FMNL2: variants seen among roughly 807,000 people sequenced by gnomAD.
FMNL2 encodes formin-like protein 2.
A neutral mutation model predicts 130.2 loss-of-function variants in FMNL2; 51 were observed. That is an observed-to-expected ratio of 0.39 (90% CI 0.31 to 0.49). The LOEUF (loss-of-function observed/expected upper bound fraction) is 0.49, where lower values mean the gene tolerates loss of function less well. Ranked by LOEUF, FMNL2 falls within the 20% of genes least tolerant of loss-of-function variation. The probability of loss-of-function intolerance (pLI) is 0.85; values close to 1 mark genes in which losing one functional copy is unlikely to be tolerated. For missense variants in FMNL2, 977 were observed against 1,316.2 expected (o/e 0.74, Z 3.99); for synonymous variants, 465 against 467.1 (o/e 1.00, Z 0.06).
chr2:152,581,541 C>T (rs572583813), intron 9 of FMNL2, among the ~76,000 whole-genome samples: 3 of 152,306 alleles, frequency 2.0e-5, no homozygotes, highest in South Asian at 4.1e-4. Flanking sequence ...TGGTTGGAAA[C>T]GGAGACTGTC....
At chr2:152,502,006 T>C (rs974119010) in intron 1 of FMNL2, among the ~76,000 whole-genome samples, 5 of 152,248 alleles carry the variant, frequency 3.3e-5, no homozygotes, top group South Asian at 4.1e-4. Context: ...ACAGTAGCTT[T>C]GAGTAGTTTT....
chr2:152,597,982 G>T (rs1405290764), intron 9 of FMNL2, among the ~76,000 whole-genome samples: 1 of 152,204 alleles, frequency 6.6e-6, no homozygotes, highest in African/African-American at 2.4e-5. Context: ...TTTGCCTGTT[G>T]TTGGCCTGAG....
In FMNL2 at chr2:152,648,161, A is replaced by G. The variant is rs1683784102; in HGVS notation, c.*256A>G. 1 of 406,044 alleles carries G rather than the reference A, an allele frequency of 2.5e-6. No individual in the cohort carries two copies. Among genetic ancestry groups the G allele is most frequent in the Non-Finnish European group, 4.4e-6 (1 of 228,854 alleles). 25.2% of individuals were successfully genotyped at this position (406,044 alleles called of 1,614,324 possible). A position where few individuals can be genotyped will look rare whatever the true frequency, so the allele number is the denominator to read the frequency against. On this transcript the variant is annotated 3_prime_UTR_variant, in exon 26 of 26. Coordinates refer to ENST00000288670, the MANE Select transcript of FMNL2 (RefSeq NM_052905.4). ...TGATTAGGTATCTTTTTACACCAGT[A>G]TGTTATTTTTAACCAAAATGTAAAG...
chr2:152,567,610 G>A (rs980410183), intron 6 of FMNL2, among the ~76,000 whole-genome samples: 1 of 152,124 alleles, frequency 6.6e-6, no homozygotes, highest in Non-Finnish European at 1.5e-5. Flanking sequence ...CCCAAGTGAT[G>A]TCATGTCTGA....
chr2:152,454,979 G>T (rs1240432869), intron 1 of FMNL2, among the ~76,000 whole-genome samples: 1 of 152,184 alleles, frequency 6.6e-6, no homozygotes, highest in African/African-American at 2.4e-5. Context: ...TTACTTTGAA[G>T]TAGACATGTC....
At chr2:152,412,243 TG>T (rs1201222233) in intron 1 of FMNL2, among the ~76,000 whole-genome samples, 2 of 151,650 alleles carry the variant, frequency 1.3e-5, no homozygotes, top group Non-Finnish European at 2.9e-5. Context: ...GTTGCCCTTG[TG>T]TATTGTTTTT....
intron 1 of FMNL2, among the ~76,000 whole-genome samples, chr2:152,499,016 C>T (rs577008995): frequency 3.3e-5 from 5 of 152,282 alleles, no homozygotes; most frequent in African/African-American, 1.2e-4. Flanking sequence ...CAAAGGGGCC[C>T]TTAGTTAATT....
chr2:152,458,612 C>T (rs990088000), intron 1 of FMNL2, among the ~76,000 whole-genome samples: 2 of 152,100 alleles, frequency 1.3e-5, no homozygotes, highest in Admixed American at 1.3e-4. Flanking sequence ...CCATCTATAC[C>T]ACCATCCTAA....
At position 152,366,448 on chromosome 2, in the gene FMNL2, AAAAT is replaced by A. The variant is rs549246323; in HGVS notation, c.117+30736_117+30739del. ...AAACTTAAAGTATAATAATAATAAA[AAAAT>A]AAATAAAATTTAAAATGTTTGCCAA... On this transcript the variant is annotated intron_variant, in intron 1 of 25. Coordinates refer to ENST00000288670, the MANE Select transcript of FMNL2 (RefSeq NM_052905.4). Among the ~76,000 whole-genome samples, 736 of 125,202 alleles carry A rather than the reference AAAAT, an allele frequency of 5.9e-3. 3 individuals carry two copies. Among genetic ancestry groups the A allele is most frequent in the Middle Eastern group, 0.011 (3 of 284 alleles). The allele number at this position is 125,202 out of a possible 152,430, so 82.1% of individuals were successfully genotyped here. A position where few individuals can be genotyped will look rare whatever the true frequency, so the allele number is the denominator to read the frequency against.
intron 12 of FMNL2, among the ~76,000 whole-genome samples, chr2:152,616,812 G>A (rs1489926476): frequency 6.6e-6 from 1 of 152,102 alleles, no homozygotes; most frequent in African/African-American, 2.4e-5. Flanking sequence ...CTCTACCCTT[G>A]CTAGCCCCTG....
intron 7 of FMNL2, among the ~76,000 whole-genome samples, chr2:152,576,999 A>T (rs1696514774): frequency 6.6e-6 from 1 of 152,242 alleles, no homozygotes; most frequent in Non-Finnish European, 1.5e-5. Flanking sequence ...TTATAACGAC[A>T]TAATCTGACA....
chr2:152,588,953 G>A (rs1307052744), intron 9 of FMNL2, among the ~76,000 whole-genome samples: 1 of 152,018 alleles, frequency 6.6e-6, no homozygotes, highest in African/African-American at 2.4e-5. Flanking sequence ...GGGTGTGTTT[G>A]GGGTCTGAGA....
intron 1 of FMNL2, among the ~76,000 whole-genome samples, chr2:152,341,894 T>A (rs1163064483): frequency 6.6e-6 from 1 of 152,196 alleles, no homozygotes; most frequent in South Asian, 2.1e-4. Context: ...GTTATTCAGA[T>A]AATCTGTGTG....
intron 23 of FMNL2, among the ~76,000 whole-genome samples, 191 bp from the exon 24 acceptor site, chr2:152,639,767 C>CT (rs997796363): frequency 6.6e-6 from 1 of 152,100 alleles, no homozygotes; most frequent in Non-Finnish European, 1.5e-5. Context: ...CAGCTCCCAG[C>CT]TTTTAAAGAG....
rs564169042 is a variant in FMNL2, at chr2:152,389,410, A to C, written c.117+53690A>C. On this transcript the variant is annotated intron_variant, in intron 1 of 25. Coordinates refer to ENST00000288670, the MANE Select transcript of FMNL2 (RefSeq NM_052905.4). ...TACGAGGACTCCGCCTTCATGATCT[A>C]ATCACCTCCCAAGAGCCCCATCTCC... 1.8e-4 allele frequency among the ~76,000 whole-genome samples: 27 copies of C among 152,248 alleles called. 1 individual carries two copies. Among genetic ancestry groups the C allele is most frequent in the African/African-American group, 6.0e-4 (25 of 41,544 alleles).
chr2:152,559,359 C>T (rs114517435), intron 5 of FMNL2, among the ~76,000 whole-genome samples: 2,229 of 152,262 alleles, frequency 0.015, 67 homozygotes, highest in African/African-American at 0.05. Flanking sequence ...GGAGTAAAAA[C>T]TGGAGTGCAG....
chr2:152,423,480 A>G (rs1687022442), intron 1 of FMNL2, among the ~76,000 whole-genome samples: 1 of 152,208 alleles, frequency 6.6e-6, no homozygotes, highest in South Asian at 2.1e-4. Context: ...AGCAGTAGCT[A>G]ACTAGATGGA....
chr2:152,343,426 G>T (rs1681927390), intron 1 of FMNL2, among the ~76,000 whole-genome samples: 1 of 152,126 alleles, frequency 6.6e-6, no homozygotes, highest in African/African-American at 2.4e-5. Flanking sequence ...CTCCTGAGTA[G>T]CTGGGATTAC....
At chr2:152,466,985 C>T (rs1168730001) in intron 1 of FMNL2, among the ~76,000 whole-genome samples, 2 of 152,156 alleles carry the variant, frequency 1.3e-5, no homozygotes, top group African/African-American at 4.8e-5. Flanking sequence ...TTCCTTCTTC[C>T]TGCCTCCTCC....
Sources: gnomAD v4.1 joint callset for allele counts (sites outside exome capture counted in the v4.1 genomes callset) on GRCh38, gnomAD v4.1.1 for gene constraint, MANE v1.5 for transcripts, NCBI Gene and HGNC (gene_info 2026-07-23, HGNC 2026-07-21) for gene names.